GPC6: variants seen among roughly 807,000 people sequenced by gnomAD.
GPC6 encodes the protein glypican-6.
A neutral mutation model predicts 55.2 loss-of-function variants in GPC6; 14 were observed. The observed-to-expected ratio is 0.25, with a 90% CI of 0.17 to 0.40. GPC6 has a LOEUF of 0.40. GPC6 is among the 10% of genes least tolerant of loss of function. The pLI is 1.00. For missense variants in GPC6, 641 were observed against 708.5 expected, an observed-to-expected ratio of 0.90 and a Z score of 1.08; for synonymous variants, 278 against 259.6, an observed-to-expected ratio of 1.07 and a Z score of -0.68.
chr13:93,676,006 C>T (rs192783529), intron 2 of GPC6, among the ~76,000 whole-genome samples: 101 of 150,838 alleles, frequency 6.7e-4, no homozygotes, highest in African/African-American at 2.4e-3. Context: ...TGCAGTGGCT[C>T]ATGCCTGTAA....
chr13:93,390,005 T>G (rs1192402705), intron 1 of GPC6, among the ~76,000 whole-genome samples: 1 of 151,480 alleles, frequency 6.6e-6, no homozygotes, highest in East Asian at 2.0e-4. Context: ...ATGCCTAACA[T>G]TATGGAAAGA....
At chr13:94,357,014 C>G (rs1470038107) in intron 6 of GPC6, among the ~76,000 whole-genome samples, 1 of 152,194 alleles carries the variant, frequency 6.6e-6, no homozygotes. Context: ...ACTCGTCTGT[C>G]CCCTGTCATC....
chr13:93,453,712 G>A (rs1228104940), intron 1 of GPC6, among the ~76,000 whole-genome samples: 1 of 151,714 alleles, frequency 6.6e-6, no homozygotes, highest in East Asian at 2.0e-4. Flanking sequence ...CAGTGCGTCT[G>A]GAGTTGTTCG....
At chr13:93,449,697 G>A (rs554283063) in intron 1 of GPC6, among the ~76,000 whole-genome samples, 124 of 151,912 alleles carry the variant, frequency 8.2e-4, no homozygotes, top group Non-Finnish European at 1.6e-3. Context: ...GCGTGGTGGT[G>A]GGCACCTGTA....
chr13:93,342,367 G>A (rs946742534), intron 1 of GPC6, among the ~76,000 whole-genome samples: 2 of 152,162 alleles, frequency 1.3e-5, no homozygotes, highest in African/African-American at 4.8e-5. Flanking sequence ...CACAATCATG[G>A]CAGAAGGTGA....
intron 3 of GPC6, among the ~76,000 whole-genome samples, chr13:93,865,514 C>T (rs1888937094): frequency 6.6e-6 from 1 of 151,666 alleles, no homozygotes; most frequent in South Asian, 2.1e-4. Flanking sequence ...AAGGATTTAG[C>T]TTAAAGCCAG....
chr13:93,811,742 G>A (rs923800853), intron 2 of GPC6, among the ~76,000 whole-genome samples: 10 of 152,152 alleles, frequency 6.6e-5, no homozygotes, highest in Non-Finnish European at 1.3e-4. Context: ...TTAAAATTAT[G>A]ATCTAAATTA....
chr13:93,563,968 C>T (rs551754438), intron 2 of GPC6, among the ~76,000 whole-genome samples: 58 of 152,054 alleles, frequency 3.8e-4, no homozygotes, highest in Non-Finnish European at 6.8e-4. Context: ...CTGAGATTTT[C>T]GTGCACCCTT....
chr13:93,800,445 C>T (rs1566542315), intron 2 of GPC6, among the ~76,000 whole-genome samples: 2 of 152,218 alleles, frequency 1.3e-5, no homozygotes, highest in South Asian at 4.1e-4. Context: ...ATCTCTGGGA[C>T]ACAGGAATTA....
intron 1 of GPC6, among the ~76,000 whole-genome samples, chr13:93,514,162 C>T (rs749240298): frequency 6.6e-6 from 1 of 152,086 alleles, no homozygotes; most frequent in Non-Finnish European, 1.5e-5. Flanking sequence ...TGTGAGCCAC[C>T]ACTCCTGGTC....
rs535150382 is a variant in GPC6, at chr13:93,867,089, GT to G, written c.711+36546del. Among the ~76,000 whole-genome samples the G allele has an allele frequency of 8.0e-3, 1,208 of 151,602 alleles. 9 individuals carry two copies. Among genetic ancestry groups the G allele is most frequent in the Non-Finnish European group, 0.013 (891 of 67,748 alleles). On this transcript the variant is annotated intron_variant, in intron 3 of 8. Transcript: ENST00000377047. Reference sequence around the variant, plus strand: ...ATGACTGAAATGTATATCTCAGTATGTTGATTTTTTTTTAAGTGAGGCTATT... The same window carrying G: ...ATGACTGAAATGTATATCTCAGTATGTGATTTTTTTTTAAGTGAGGCTATT...
chr13:93,460,718 G>A (rs990428672), intron 1 of GPC6, among the ~76,000 whole-genome samples: 1 of 152,038 alleles, frequency 6.6e-6, no homozygotes, highest in Non-Finnish European at 1.5e-5. Flanking sequence ...CATACTTTGA[G>A]GCAAATATTG....
At chr13:94,267,321 T>C (rs1891848881) in intron 4 of GPC6, among the ~76,000 whole-genome samples, 1 of 152,194 alleles carries the variant, frequency 6.6e-6, no homozygotes, top group Non-Finnish European at 1.5e-5. Flanking sequence ...ATGTGTGGAA[T>C]AGTGTTAGTA....
chr13:93,959,021 A>G (rs112718713), intron 3 of GPC6, among the ~76,000 whole-genome samples: 2,803 of 152,202 alleles, frequency 0.018, 99 homozygotes, highest in African/African-American at 0.064. Context: ...TTGTACATTG[A>G]TTTTGTATTC....
intron 2 of GPC6, among the ~76,000 whole-genome samples, chr13:93,587,926 C>A (rs1877281356): frequency 6.6e-6 from 1 of 152,216 alleles, no homozygotes; most frequent in African/African-American, 2.4e-5. Flanking sequence ...CTCCCAGGAG[C>A]TCTCTCCAGC....
intron 2 of GPC6, among the ~76,000 whole-genome samples, chr13:93,619,013 T>C (rs966556417): frequency 6.6e-6 from 1 of 152,054 alleles, no homozygotes; most frequent in East Asian, 1.9e-4. Flanking sequence ...CTGAATACTG[T>C]AGGCAACTGT....
intron 3 of GPC6, among the ~76,000 whole-genome samples, chr13:93,960,219 G>T (rs1879704474): frequency 6.6e-6 from 1 of 152,138 alleles, no homozygotes; most frequent in Non-Finnish European, 1.5e-5. Context: ...TATTAATATG[G>T]TAGATGGTCA....
At chr13:93,536,316 T>C (rs1882059832) in intron 1 of GPC6, among the ~76,000 whole-genome samples, 1 of 152,216 alleles carries the variant, frequency 6.6e-6, no homozygotes, top group Admixed American at 6.5e-5. Context: ...TTGTGTAATC[T>C]TCACCATTAT....
chr13:93,366,032 C>A (rs1359833639), intron 1 of GPC6, among the ~76,000 whole-genome samples: 1 of 151,854 alleles, frequency 6.6e-6, no homozygotes, highest in Non-Finnish European at 1.5e-5. Flanking sequence ...CAAAACAATC[C>A]AAGTAGTGGG....
Sources: gnomAD v4.1 joint callset for allele counts (sites outside exome capture counted in the v4.1 genomes callset) on GRCh38, gnomAD v4.1.1 for gene constraint, MANE v1.5 for transcripts, NCBI Gene and HGNC (gene_info 2026-07-23, HGNC 2026-07-21) for gene names.